The following DPP10 variants were observed in gnomAD, a reference collection of about 807,000 sequenced individuals.
DPP10 encodes dipeptidyl peptidase like 10.
DPP10 carries 33 observed loss-of-function variants against 120.9 expected under a neutral mutation model. The observed-to-expected ratio is 0.27, with a 90% CI of 0.21 to 0.37. DPP10 has a LOEUF of 0.37. Among genes scored for constraint, DPP10 ranks in the 10% least tolerant of loss-of-function variants. The pLI is 1.00. For missense variants in DPP10, 816 were observed against 942.8 expected (o/e 0.87, Z 1.76); for synonymous variants, 337 against 326.1 (o/e 1.03, Z -0.36).
chr2:115,335,097 G>T (rs1215968946), intron 2 of DPP10, among the ~76,000 whole-genome samples: 1 of 151,842 alleles, frequency 6.6e-6, no homozygotes, highest in Non-Finnish European at 1.5e-5. Context: ...TACGGGGATG[G>T]CAGGAGGCAA....
intron 1 of DPP10, among the ~76,000 whole-genome samples, chr2:115,090,165 A>G (rs974706809): frequency 6.6e-6 from 1 of 151,974 alleles, no homozygotes; most frequent in African/African-American, 2.4e-5. Flanking sequence ...ATTTTGACAA[A>G]TGTTCACATC....
At chr2:115,767,641 T>C (rs1286851206) in intron 12 of DPP10, among the ~76,000 whole-genome samples, 11 of 152,046 alleles carry the variant, frequency 7.2e-5, no homozygotes, top group Admixed American at 7.2e-4. Flanking sequence ...ATTGATTTAA[T>C]GTGCCACCAG....
intron 5 of DPP10, among the ~76,000 whole-genome samples, chr2:115,552,163 A>G (rs1363740748): frequency 1.3e-5 from 2 of 152,154 alleles, no homozygotes; most frequent in Non-Finnish European, 2.9e-5. Flanking sequence ...GGTGACTTTA[A>G]TTAAAGTAAA....
intron 1 of DPP10, among the ~76,000 whole-genome samples, chr2:114,650,901 A>G (rs535089092): frequency 6.6e-6 from 1 of 152,132 alleles, no homozygotes; most frequent in East Asian, 1.9e-4. Flanking sequence ...ACTGCCTAAA[A>G]ATTCCCTCAC....
intron 1 of DPP10, among the ~76,000 whole-genome samples, chr2:115,025,456 A>G (rs1267587477): frequency 6.6e-6 from 1 of 152,132 alleles, no homozygotes; most frequent in Non-Finnish European, 1.5e-5. Context: ...ATGGTGCTTC[A>G]AAATACGTGA....
chr2:115,702,360 A>G (rs2091927481), intron 7 of DPP10, among the ~76,000 whole-genome samples: 1 of 152,114 alleles, frequency 6.6e-6, no homozygotes, highest in Non-Finnish European at 1.5e-5. Flanking sequence ...TATATGCCTA[A>G]AAGTTCCCAC....
chr2:114,787,595 AGCTGATGGAAAAC>A (rs1440792209), intron 1 of DPP10, among the ~76,000 whole-genome samples: 1 of 152,206 alleles, frequency 6.6e-6, no homozygotes, highest in Non-Finnish European at 1.5e-5. Context: ...AAAGCAATGA[AGCTGATGGAAAAC>A]TCAGCTTTGC....
At chr2:115,588,423 A>G (rs1370064044) in intron 5 of DPP10, among the ~76,000 whole-genome samples, 2 of 152,208 alleles carry the variant, frequency 1.3e-5, no homozygotes, top group East Asian at 3.8e-4. Context: ...TGTAATACAG[A>G]GGCTTCATAA....
chr2:114,598,737 A>T (rs900508646), intron 1 of DPP10, among the ~76,000 whole-genome samples: 1 of 151,930 alleles, frequency 6.6e-6, no homozygotes, highest in Non-Finnish European at 1.5e-5. Flanking sequence ...TGATGGTCTT[A>T]GCTGGTTATT....
At chr2:115,056,645 C>A (rs1222836822) in intron 1 of DPP10, among the ~76,000 whole-genome samples, 1 of 152,134 alleles carries the variant, frequency 6.6e-6, no homozygotes, top group East Asian at 1.9e-4. Flanking sequence ...AGGCATAAGC[C>A]ACTGGACCTG....
intron 1 of DPP10, among the ~76,000 whole-genome samples, chr2:114,854,579 G>C (rs1459058220): frequency 6.6e-6 from 1 of 152,156 alleles, no homozygotes; most frequent in East Asian, 1.9e-4. Context: ...AGGTATCATA[G>C]TCAGAGGGCA....
intron 3 of DPP10, among the ~76,000 whole-genome samples, chr2:115,461,602 C>A (rs964998790): frequency 5.3e-5 from 8 of 152,090 alleles, no homozygotes; most frequent in Admixed American, 3.9e-4. Context: ...TTGTAGTAAT[C>A]ATTTCACAAT....
chr2:114,919,659 A>G (rs1046279242), intron 1 of DPP10, among the ~76,000 whole-genome samples: 2 of 152,204 alleles, frequency 1.3e-5, no homozygotes, highest in Non-Finnish European at 2.9e-5. Context: ...AGACATCAAC[A>G]GTTCTGGTTA....
chr2:114,456,671 C>T (rs1333311026), intron 1 of DPP10, among the ~76,000 whole-genome samples: 1 of 152,108 alleles, frequency 6.6e-6, no homozygotes, highest in Non-Finnish European at 1.5e-5. Flanking sequence ...AATTGCAACA[C>T]ATTTTGGAAA....
At chr2:114,768,318 T>C (rs1419917454) in intron 1 of DPP10, among the ~76,000 whole-genome samples, 1 of 152,124 alleles carries the variant, frequency 6.6e-6, no homozygotes, top group East Asian at 1.9e-4. Context: ...CCCAGGATGT[T>C]TGATAGTTAA....
intron 5 of DPP10, among the ~76,000 whole-genome samples, chr2:115,553,848 A>T (rs2080032771): frequency 6.6e-6 from 1 of 151,552 alleles, no homozygotes; most frequent in Non-Finnish European, 1.5e-5. Context: ...TGATTTCCTT[A>T]GATAATTCTT....
intron 1 of DPP10, among the ~76,000 whole-genome samples, chr2:115,203,862 A>G (rs577549689): frequency 2.6e-5 from 4 of 152,152 alleles, no homozygotes; most frequent in Non-Finnish European, 5.9e-5. Flanking sequence ...CTTTCCCTCC[A>G]TGGAGAGGTT....
At chr2:115,680,997 T>C (rs2090612871) in intron 5 of DPP10, among the ~76,000 whole-genome samples, 1 of 151,932 alleles carries the variant, frequency 6.6e-6, no homozygotes. Flanking sequence ...TTTGTTGTTG[T>C]TGTTGCTGCT....
intron 3 of DPP10, among the ~76,000 whole-genome samples, chr2:115,499,132 A>G (rs2076553220): frequency 6.6e-6 from 1 of 152,130 alleles, no homozygotes; most frequent in South Asian, 2.1e-4. Context: ...GTCAACTGGC[A>G]GCACTTTTAA....
Sources: allele counts gnomAD v4.1 joint callset (sites outside exome capture counted in the v4.1 genomes callset), GRCh38; gene constraint gnomAD v4.1.1; transcripts MANE v1.5; gene names NCBI Gene and HGNC (gene_info 2026-07-23, HGNC 2026-07-21).